OSMR: variants seen among roughly 807,000 people sequenced by gnomAD.
OSMR encodes oncostatin-M-specific receptor subunit beta.
In OSMR, 81 loss-of-function variants were observed where a neutral mutation model predicts 99.9. The observed-to-expected ratio is 0.81, with a 90% confidence interval of 0.68 to 0.97. The LOEUF (loss-of-function observed/expected upper bound fraction) is 0.97. Ranked by LOEUF, OSMR falls within the 50% of genes least tolerant of loss-of-function variation. The pLI is 0.00. For missense variants in OSMR, 1,099 were observed against 1,153.4 expected, an observed-to-expected ratio of 0.95 and a Z score of 0.68; for synonymous variants, 406 against 410.4, an observed-to-expected ratio of 0.99 and a Z score of 0.13.
intron 3 of OSMR, 112 bp downstream of exon 3, chr5:38,876,485 A>C: frequency 1.8e-5 from 14 of 794,142 alleles, no homozygotes; most frequent in East Asian, 2.7e-5. Flanking sequence ...TTAGCAGCTC[A>C]AAACAGTTTG....
intron 17 of OSMR, 118 bp downstream of exon 17, chr5:38,932,653 A>G: frequency 6.5e-7 from 1 of 1,546,902 alleles, no homozygotes; most frequent in Non-Finnish European, 8.7e-7. Context: ...AGTAAAAGCC[A>G]TCTTTGCACC....
intron 7 of OSMR, among the ~76,000 whole-genome samples, chr5:38,898,413 C>A (rs1188572193): frequency 2.6e-5 from 4 of 152,188 alleles, no homozygotes; most frequent in Admixed American, 2.6e-4. Context: ...ATAAGTAAAG[C>A]TACTCCTGTT....
At chr5:38,863,293 C>A (rs1741660960) in intron 1 of OSMR, among the ~76,000 whole-genome samples, 1 of 150,282 alleles carries the variant, frequency 6.7e-6, no homozygotes, top group Non-Finnish European at 1.5e-5. Flanking sequence ...GTAATCCCAG[C>A]ACTTTGGGAG....
At chr5:38,876,814 AG>A (rs1742877016) in intron 3 of OSMR, among the ~76,000 whole-genome samples, 1 of 152,264 alleles carries the variant, frequency 6.6e-6, no homozygotes, top group Admixed American at 6.5e-5. Context: ...GCTGAAGTGC[AG>A]GGAAGAGTAA....
Position 38,881,748 on chromosome 5 carries a change from C to T in OSMR, c.402C>T (p.Ser134=), listed in dbSNP as rs889924104. 1 of 1,614,096 alleles carries T rather than the reference C, an allele frequency of 6.2e-7. No homozygotes were observed. The highest frequency in any genetic ancestry group is 8.5e-7 in the Non-Finnish European group (1 of 1,179,958). ...PEPNFWSNWS[S]WEEVSVQDST... is the part of the protein sequence containing the mutation. The stretch of plus-strand genomic sequence containing the variant: ...CAAATTTCTGGAGCAACTGGAGTTC[C>T]TGGGAGGAAGTCAGTGGTAAGAAGT... Residue 134 remains serine, a synonymous_variant, in exon 4 of 18, where the codon TCC becomes TCT. Transcript: ENST00000274276.
chr5:38,935,618 CTTAA>C lies in OSMR; in HGVS notation c.*2179_*2182del, dbSNP rs1303276670. The C allele has an allele frequency of 1.3e-5, 2 of 152,014 alleles. No homozygotes were observed. Among genetic ancestry groups the C allele is most frequent in the South Asian group, 2.1e-4 (1 of 4,812 alleles). The allele number at this position is 152,014 out of a possible 1,614,324, so 9.4% of individuals were successfully genotyped here. A position where few individuals can be genotyped will look rare whatever the true frequency, so the allele number is the denominator to read the frequency against. ...AGTCATTTTTGCTATTGAAATAAACCTTAATTAAAATATTTCATCATCACATTGT... is the reference window on the plus strand; with the variant it reads ...AGTCATTTTTGCTATTGAAATAAACCTTAAAATATTTCATCATCACATTGT... On this transcript the variant is annotated 3_prime_UTR_variant, in exon 18 of 18. Coordinates refer to ENST00000274276, the MANE Select transcript of OSMR (RefSeq NM_003999.3).
At chr5:38,922,281 G>C (rs900558455) in intron 12 of OSMR, among the ~76,000 whole-genome samples, 1 of 152,078 alleles carries the variant, frequency 6.6e-6, no homozygotes, top group African/African-American at 2.4e-5. Flanking sequence ...TGTGTGGCTT[G>C]AGCTGGAGGG....
chr5:38,901,898 C>T (rs780183214), intron 7 of OSMR, among the ~76,000 whole-genome samples: 5 of 152,156 alleles, frequency 3.3e-5, no homozygotes, highest in Non-Finnish European at 7.4e-5. Context: ...GTCTCCAGTA[C>T]TCAAAGAGGC....
At chr5:38,938,513 TA>T (rs1747209369), downstream of OSMR, 1 of 232,522 alleles carries the variant, frequency 4.3e-6, no homozygotes, top group South Asian at 1.8e-4. Context: ...AAATATTCTA[TA>T]AAGAAAGTAA....
At chr5:38,876,041 T>C in intron 2 of OSMR, 160 bp from the exon 3 acceptor site, 1 of 558,698 alleles carries the variant, frequency 1.8e-6, no homozygotes, top group Non-Finnish European at 2.3e-6. Context: ...AAGTGATTTC[T>C]AAATTCTCTT....
At chr5:38,936,902 T>C (rs1747072594), downstream of OSMR, among the ~76,000 whole-genome samples, 1 of 152,236 alleles carries the variant, frequency 6.6e-6, no homozygotes. Context: ...AATACCGAAG[T>C]AGTACCGTAT....
chr5:38,869,112 G>A lies in OSMR; in HGVS notation c.68G>A (p.Ser23Asn), dbSNP rs779542257. The change falls in exon 2 of 18, where the codon AGT becomes AAT. Residue 23 changes from serine to asparagine, a missense_variant. Ser to Asn is a conservative substitution (Grantham distance 46). Transcript: ENST00000274276. The part of the protein sequence containing the change: ...LTLLSLRTYQ[S>N]EVLAERLPLT... ...TTGCTGTCCTTGAGGACTTACCAGA[G>A]TGAAGGTAAGAAGTGGAAGGAACAG... The A allele has an allele frequency of 6.2e-7, 1 of 1,607,212 alleles. No homozygotes were observed. The highest frequency in any genetic ancestry group is 8.5e-7 in the Non-Finnish European group (1 of 1,173,680).
At chr5:38,907,644 T>G (rs357254) in intron 9 of OSMR, among the ~76,000 whole-genome samples, 99,067 of 152,044 alleles carry the variant, frequency 0.65, 32,571 homozygotes, top group African/African-American at 0.71. Context: ...TGCCCAACTA[T>G]GGTGCTTCCT....
At position 38,918,174 on chromosome 5, in the gene OSMR, G is replaced by A. The variant is rs764751503; in HGVS notation, c.1362+552G>A. 5.9e-5 allele frequency among the ~76,000 whole-genome samples: 9 copies of A among 151,424 alleles called. No individual in the cohort carries two copies. In the South Asian group the frequency reaches 1.3e-3, roughly 21 times the overall value. The stretch of plus-strand genomic sequence containing the variant: ...TTTCACCTTTAGTTTGGCACACTCC[G>A]CAAGAATCTCTGTGCACAGACGTGT... On this transcript the variant is annotated intron_variant, in intron 10 of 17. Transcript: ENST00000274276.
At chr5:38,935,832 A>G (rs184755791), downstream of OSMR, among the ~76,000 whole-genome samples, 28 of 152,104 alleles carry the variant, frequency 1.8e-4, no homozygotes, top group Middle Eastern at 0.01. Flanking sequence ...TCATCTACAC[A>G]CTAAACTTTG....
intron 7 of OSMR, chr5:38,886,517 G>A: frequency 3.4e-6 from 1 of 294,060 alleles, no homozygotes; most frequent in Admixed American, 4.9e-5. Context: ...TAAATTGTGT[G>A]CGTGTGTATT....
chr5:38,906,629 G>A (rs1745252097), intron 9 of OSMR, among the ~76,000 whole-genome samples: 1 of 152,114 alleles, frequency 6.6e-6, no homozygotes. Flanking sequence ...CTTCTCCAAT[G>A]ACTTATTTAG....
chr5:38,942,296 A>G (rs763685053), intron 1 of OSMR: 3 of 1,545,594 alleles, frequency 1.9e-6, no homozygotes, highest in Non-Finnish European at 2.7e-6. Flanking sequence ...TCCATCATAA[A>G]TATGAGGTCA....
At chr5:38,882,184 A>T (rs183545562) in intron 4 of OSMR, among the ~76,000 whole-genome samples, 7 of 152,368 alleles carry the variant, frequency 4.6e-5, no homozygotes, top group African/African-American at 1.7e-4. Flanking sequence ...CAGAGCATAC[A>T]GTCGCTGTTG....
Sources: allele counts gnomAD v4.1 joint callset (sites outside exome capture counted in the v4.1 genomes callset), GRCh38; gene constraint gnomAD v4.1.1; transcripts MANE v1.5; gene names NCBI Gene and HGNC (gene_info 2026-07-23, HGNC 2026-07-21).